The following IGF2BP1 variants were observed in gnomAD, a reference collection of about 807,000 sequenced individuals.
The protein encoded by IGF2BP1 is insulin like growth factor 2 mRNA binding protein 1.
IGF2BP1 carries 11 observed loss-of-function variants against 74.9 expected under a neutral mutation model. That is an observed-to-expected ratio of 0.15 (90% CI 0.09 to 0.24). IGF2BP1 has a LOEUF of 0.24. Among genes scored for constraint, IGF2BP1 ranks in the 10% least tolerant of loss-of-function variants. The pLI is 1.00. For missense variants in IGF2BP1, 440 were observed against 757.4 expected, an observed-to-expected ratio of 0.58 and a Z score of 4.92; for synonymous variants, 287 against 281.8, an observed-to-expected ratio of 1.02 and a Z score of -0.18.
chr17:49,006,272 G>C (rs1308258632), intron 2 of IGF2BP1, among the ~76,000 whole-genome samples: 1 of 152,134 alleles, frequency 6.6e-6, no homozygotes, highest in Non-Finnish European at 1.5e-5. Context: ...GAACAAGGAG[G>C]AAAGGAATCA....
At chr17:49,043,005 T>C (rs1427878236) in intron 9 of IGF2BP1, among the ~76,000 whole-genome samples, 1 of 152,086 alleles carries the variant, frequency 6.6e-6, no homozygotes, top group Non-Finnish European at 1.5e-5. Context: ...TAAAGGAGAC[T>C]TGGGGTTGGG....
intron 6 of IGF2BP1, 21 bp downstream of exon 6, chr17:49,038,470 A>G: frequency 6.9e-7 from 1 of 1,458,230 alleles, no homozygotes; most frequent in Non-Finnish European, 9.1e-7. Context: ...GCTCTTGGGG[A>G]ATGGAGGTTG....
At chr17:49,012,298 A>T (rs954197859) in intron 2 of IGF2BP1, 2 of 152,192 alleles carry the variant, frequency 1.3e-5, no homozygotes, top group African/African-American at 2.4e-5. Flanking sequence ...ATGAAATAAT[A>T]CACTTGAGAG....
chr17:49,046,350 A>G lies in IGF2BP1; in HGVS notation c.1618A>G (p.Ile540Val), dbSNP rs1598160504. The G allele has an allele frequency of 1.2e-6, 2 of 1,614,010 alleles. No homozygotes were observed. Among genetic ancestry groups the G allele is most frequent in the African/African-American group, 1.3e-5 (1 of 75,036 alleles). Reference protein sequence around the residue: ...DENDQVIVKIIGHFYASQMAQ... With the variant: ...DENDQVIVKIVGHFYASQMAQ... Reference sequence around the variant, plus strand: ...GAACGACCAGGTCATCGTGAAAATCATCGGACATTTCTATGCCAGTCAGGT... The same window carrying G: ...GAACGACCAGGTCATCGTGAAAATCGTCGGACATTTCTATGCCAGTCAGGT... Residue 540 changes from isoleucine to valine, a missense_variant, in exon 14 of 15, where the codon ATC becomes GTC. Around this residue, in one of 5 missense-constraint regions of IGF2BP1, gnomAD observed 117 missense variants for 237.2 expected, o/e 0.49. Coordinates refer to ENST00000290341, the MANE Select transcript of IGF2BP1 (RefSeq NM_006546.4).
At chr17:49,021,802 G>A (rs1469144032) in intron 2 of IGF2BP1, among the ~76,000 whole-genome samples, 1 of 152,202 alleles carries the variant, frequency 6.6e-6, no homozygotes, top group Non-Finnish European at 1.5e-5. Flanking sequence ...AGAAGATACT[G>A]CCCATAGGGC....
chr17:48,996,868 A>G (rs1006643414), upstream of IGF2BP1, among the ~76,000 whole-genome samples: 1 of 148,296 alleles, frequency 6.7e-6, no homozygotes, highest in African/African-American at 2.5e-5. Flanking sequence ...GAAGGCGGAG[A>G]CCCCCCCCAT....
chr17:49,021,933 AT>A (rs2041797681), intron 2 of IGF2BP1, among the ~76,000 whole-genome samples: 1 of 151,976 alleles, frequency 6.6e-6, no homozygotes, highest in African/African-American at 2.4e-5. Context: ...ATTTTTCACT[AT>A]TTTCCCCACC....
At chr17:49,017,205 T>G (rs2041716203) in intron 2 of IGF2BP1, among the ~76,000 whole-genome samples, 1 of 152,068 alleles carries the variant, frequency 6.6e-6, no homozygotes, top group Non-Finnish European at 1.5e-5. Context: ...GTCAGCAGAA[T>G]CACCTACTTC....
chr17:49,000,159 A>C (rs553060043), intron 2 of IGF2BP1, among the ~76,000 whole-genome samples: 7 of 152,202 alleles, frequency 4.6e-5, no homozygotes, highest in African/African-American at 1.7e-4. Context: ...GACAGTGTAG[A>C]GTTTGCTCTC....
At chr17:49,032,026 G>T in intron 5 of IGF2BP1, 53 bp downstream of exon 5, 1 of 1,467,644 alleles carries the variant, frequency 6.8e-7, no homozygotes, top group Non-Finnish European at 9.5e-7. Context: ...TTCTGTGAAG[G>T]GTGGTGTGAG....
rs1598115385 is a variant in IGF2BP1 at position 48,997,428 on chromosome 17, A to C, written c.-318A>C. On this transcript the variant is annotated 5_prime_UTR_variant, in exon 1 of 15. Transcript: ENST00000290341. The surrounding 1 kb of genome is among the most constrained non-coding windows in gnomAD (Gnocchi z 4.8). ...GTCGATTTTATTTAGAGGCGGCGCC[A>C]GGGCGGCCGCGGAGAAACGTGACAC... is the stretch of plus-strand genomic sequence containing the variant. The C allele has an allele frequency of 6.4e-6, 1 of 155,648 alleles. No homozygotes were observed. The allele number at this position is 155,648 out of a possible 1,614,324, so 9.6% of individuals were successfully genotyped here.
chr17:49,046,087 TCTC>T (rs2042104841), intron 13 of IGF2BP1, 66 bp downstream of exon 13: 3 of 1,572,020 alleles, frequency 1.9e-6, no homozygotes, highest in Non-Finnish European at 2.6e-6. Flanking sequence ...CTCTCTCTGG[TCTC>T]CTGTACTGCT....
rs538115430 is a variant in IGF2BP1, at chr17:49,019,617, A to G, written c.237-6001A>G. Among the ~76,000 whole-genome samples the G allele has an allele frequency of 2.0e-5, 3 of 148,752 alleles. No individual in the cohort carries two copies. In the South Asian group the frequency reaches 6.4e-4, roughly 32 times the overall value. ...TTCCCCTGTGCTCTGATTATTTTGAAGCAAATCTTAGACATGTCATTTTAT... is the reference window on the plus strand; with the variant it reads ...TTCCCCTGTGCTCTGATTATTTTGAGGCAAATCTTAGACATGTCATTTTAT... On this transcript the variant is annotated intron_variant, in intron 2 of 14. Transcript: ENST00000290341.
chr17:49,024,462 T>G (rs985400586), intron 2 of IGF2BP1, among the ~76,000 whole-genome samples: 3 of 152,132 alleles, frequency 2.0e-5, no homozygotes, highest in Admixed American at 2.0e-4. Context: ...ACTGTATAGT[T>G]ACTGGGAGAG....
intron 2 of IGF2BP1, among the ~76,000 whole-genome samples, chr17:49,021,651 G>T (rs2041793963): frequency 6.6e-6 from 1 of 152,188 alleles, no homozygotes; most frequent in Admixed American, 6.5e-5. Flanking sequence ...GCCAGGGGCT[G>T]GTTGCTTCAT....
At chr17:49,043,335 G>A in intron 9 of IGF2BP1, 93 bp from the exon 10 acceptor site, 1 of 1,454,892 alleles carries the variant, frequency 6.9e-7, no homozygotes. Context: ...TGGCCCACTT[G>A]CCTCTGGGGC....
In IGF2BP1 at chr17:49,038,155, A is replaced by G; in HGVS notation, c.402-13A>G. Reference sequence around the variant, plus strand: ...GGATTGGAATGACCTGTAGACTCTCACTCTGTCCCCAGAGCCATCATGAAG... The same window carrying G: ...GGATTGGAATGACCTGTAGACTCTCGCTCTGTCCCCAGAGCCATCATGAAG... On this transcript the variant is annotated splice_polypyrimidine_tract_variant and intron_variant, in intron 5 of 14. Transcript: ENST00000290341. 6.7e-7 allele frequency: 1 copy of G among 1,482,380 alleles called. No individual in the cohort carries two copies. 91.8% of individuals were successfully genotyped at this position (1,482,380 alleles called of 1,614,324 possible).
rs76734207 is a variant in IGF2BP1, at chr17:49,055,821, C to A, written c.*6377C>A. 8.5e-3 allele frequency among the ~76,000 whole-genome samples: 1,248 copies of A among 147,066 alleles called. 13 individuals are homozygous for A. Among genetic ancestry groups the A allele is most frequent in the African/African-American group, 0.03 (1,182 of 39,302 alleles). ...GTGCAAATTGGGAAGAGCTGGAGGC[C>A]TACTGCTTGGGACAGTTTTTTTTTT... On this transcript the variant is annotated 3_prime_UTR_variant, in exon 15 of 15. Transcript: ENST00000290341.
rs192143175 is a variant in IGF2BP1, at chr17:49,049,902, C to T, written c.*458C>T. The T allele has an allele frequency of 2.0e-5, 3 of 153,314 alleles. No homozygotes were observed. The highest frequency in any genetic ancestry group is 2.1e-4 in the South Asian group (1 of 4,866). The allele number at this position is 153,314 out of a possible 1,614,324, so 9.5% of individuals were successfully genotyped here. A position where few individuals can be genotyped will look rare whatever the true frequency, so the allele number is the denominator to read the frequency against. On this transcript the variant is annotated 3_prime_UTR_variant, in exon 15 of 15. Transcript: ENST00000290341. Reference sequence around the variant, plus strand: ...TAATTGATTAAAATACCTCCATTTACGGCCTCTTTCTATATTTACACTAAT... The same window carrying T: ...TAATTGATTAAAATACCTCCATTTATGGCCTCTTTCTATATTTACACTAAT...
Sources: allele counts gnomAD v4.1 joint callset (sites outside exome capture counted in the v4.1 genomes callset), GRCh38; gene constraint gnomAD v4.1.1; regional missense constraint gnomAD v4.1.1; non-coding constraint Gnocchi (gnomAD v3.1); transcripts MANE v1.5; gene names NCBI Gene and HGNC (gene_info 2026-07-23, HGNC 2026-07-21).